Variants in ARHGEF28 observed in about 807,000 individuals in gnomAD.
ARHGEF28 encodes the protein Rho guanine nucleotide exchange factor 28.
In ARHGEF28, 152 loss-of-function variants were observed where a neutral mutation model predicts 206.6. That is an observed-to-expected ratio of 0.74 (90% CI 0.64 to 0.84). ARHGEF28 has a LOEUF of 0.84. Among genes scored for constraint, ARHGEF28 ranks in the 40% least tolerant of loss-of-function variants. The probability of loss-of-function intolerance (pLI) is 0.00; values close to 1 mark genes in which losing one functional copy is unlikely to be tolerated. For synonymous variants in ARHGEF28, 763 were observed against 776.4 expected (o/e 0.98, Z 0.29); for missense variants, 2,028 against 2,073.2 (o/e 0.98, Z 0.42).
intron 9 of ARHGEF28, chr5:73,803,451 G>A (rs941607746): frequency 6.5e-6 from 1 of 154,044 alleles, no homozygotes; most frequent in South Asian, 2.1e-4. Context: ...GCTTAGATTT[G>A]TAGTCCCTAA....
intron 2 of ARHGEF28, among the ~76,000 whole-genome samples, chr5:73,689,302 C>T (rs1389612912): frequency 6.6e-6 from 1 of 151,956 alleles, no homozygotes; most frequent in Non-Finnish European, 1.5e-5. Context: ...TAGTAATATT[C>T]CTGAACTCAG....
intron 9 of ARHGEF28, among the ~76,000 whole-genome samples, chr5:73,819,330 G>A (rs981953090): frequency 1.3e-5 from 2 of 152,164 alleles, no homozygotes; most frequent in Non-Finnish European, 2.9e-5. Flanking sequence ...TCCAAATGAC[G>A]CTGCCAACTT....
At chr5:73,933,285 A>G (rs1463759986) in intron 35 of ARHGEF28, among the ~76,000 whole-genome samples, 1 of 152,140 alleles carries the variant, frequency 6.6e-6, no homozygotes, top group East Asian at 1.9e-4. Context: ...ATGTTATTAG[A>G]TTTTCTAGGC....
intron 16 of ARHGEF28, among the ~76,000 whole-genome samples, chr5:73,864,613 A>T (rs1759593787): frequency 6.6e-6 from 1 of 152,232 alleles, no homozygotes; most frequent in African/African-American, 2.4e-5. Context: ...ATCTCCAAAG[A>T]GATTAAAATA....
At chr5:73,922,312 A>G (rs938730096) in intron 35 of ARHGEF28, among the ~76,000 whole-genome samples, 1 of 152,264 alleles carries the variant, frequency 6.6e-6, no homozygotes, top group Non-Finnish European at 1.5e-5. Flanking sequence ...CAACTGCAAG[A>G]GGCCATATTT....
chr5:73,785,461 A>T (rs1290199883), intron 7 of ARHGEF28, among the ~76,000 whole-genome samples: 2 of 152,162 alleles, frequency 1.3e-5, no homozygotes, highest in African/African-American at 4.8e-5. Context: ...CTGTTAGTCC[A>T]GTAATGCGCA....
chr5:73,664,574 C>T lies in ARHGEF28; in HGVS notation c.-11-20267C>T, dbSNP rs1050225401. Among the ~76,000 whole-genome samples, 4 of 152,120 alleles carry T rather than the reference C, an allele frequency of 2.6e-5. No individual in the cohort carries two copies. The South Asian group carries it at 8.3e-4, about 32-fold the overall frequency. On this transcript the variant is annotated intron_variant, in intron 1 of 35. Coordinates refer to ENST00000513042, the MANE Select transcript of ARHGEF28 (RefSeq NM_001177693.2). ...AAACTAAGAAGCACTCAGAACATTG[C>T]CTAGTATAATAGAGTGCTCAAAAAT... is the stretch of plus-strand genomic sequence containing the variant.
Position 73,840,756 on chromosome 5 carries a change from A to G in ARHGEF28, c.1423A>G (p.Arg475Gly), listed in dbSNP as rs756740207. 5 of 1,606,112 alleles carry G rather than the reference A, an allele frequency of 3.1e-6. No homozygotes were observed. In the Admixed American group the frequency reaches 8.5e-5, roughly 27 times the overall value. The change falls in exon 11 of 36, where the codon AGA (arginine) becomes GGA (glycine). Residue 475 changes from arginine to glycine, a missense_variant. Arg to Gly is a moderately radical substitution (Grantham distance 125, BLOSUM62 -2). Coordinates refer to ENST00000513042, the MANE Select transcript of ARHGEF28 (RefSeq NM_001177693.2). ...AAAGGAACAAAGTCATCTAAAGAAA[A>G]GAAGGTAAGAGTCTATATTGTAGAG... ...FEKEQSHLKK[R>G]SSSLDALDAD...
intron 4 of ARHGEF28, among the ~76,000 whole-genome samples, chr5:73,755,565 C>T (rs1318438384): frequency 6.6e-6 from 1 of 152,106 alleles, no homozygotes; most frequent in East Asian, 1.9e-4. Flanking sequence ...CTAAGGGTCT[C>T]CAAAATGGAA....
At chr5:73,889,868 T>C (rs891428077) in intron 26 of ARHGEF28, among the ~76,000 whole-genome samples, 4 of 152,350 alleles carry the variant, frequency 2.6e-5, no homozygotes, top group Non-Finnish European at 4.4e-5. Context: ...TGTTTTAAAA[T>C]GAGAATATGG....
At chr5:73,806,653 A>G (rs923624632) in intron 9 of ARHGEF28, among the ~76,000 whole-genome samples, 1 of 144,538 alleles carries the variant, frequency 6.9e-6, no homozygotes, top group Non-Finnish European at 1.5e-5. Context: ...TATAGTATAT[A>G]TCGTATACAT....
chr5:73,794,259 C>T (rs754683296), intron 7 of ARHGEF28, 143 bp from the exon 8 acceptor site: 9 of 619,952 alleles, frequency 1.5e-5, no homozygotes, highest in African/African-American at 5.7e-5. Flanking sequence ...CTGTGGAGAG[C>T]TGATTTTTAA....
chr5:73,914,182 T>G (rs979944511), intron 35 of ARHGEF28, among the ~76,000 whole-genome samples: 9 of 152,140 alleles, frequency 5.9e-5, no homozygotes, highest in African/African-American at 1.9e-4. Context: ...TTTCAGGCAC[T>G]GTGCTAAGGT....
intron 1 of ARHGEF28, among the ~76,000 whole-genome samples, chr5:73,649,907 A>G (rs1744691339): frequency 6.6e-6 from 1 of 152,218 alleles, no homozygotes; most frequent in Non-Finnish European, 1.5e-5. Context: ...CAGACCATTA[A>G]GGGGAGACCC....
intron 12 of ARHGEF28, among the ~76,000 whole-genome samples, chr5:73,847,494 C>T (rs759999208): frequency 3.9e-5 from 6 of 152,038 alleles, no homozygotes; most frequent in Admixed American, 2.6e-4. Flanking sequence ...GCAGAGCTGC[C>T]GTAATCTTTT....
chr5:73,745,420 G>C (rs535370441), intron 2 of ARHGEF28, among the ~76,000 whole-genome samples: 1 of 152,110 alleles, frequency 6.6e-6, no homozygotes, highest in African/African-American at 2.4e-5. Flanking sequence ...AGTTTAAGGT[G>C]GCAAAAACAT....
At chr5:73,753,386 C>T (rs942785743) in intron 4 of ARHGEF28, among the ~76,000 whole-genome samples, 184 bp downstream of exon 4, 6 of 152,188 alleles carry the variant, frequency 3.9e-5, no homozygotes, top group East Asian at 3.9e-4. Flanking sequence ...TATGTGACTC[C>T]GTGCCAGGAG....
intron 2 of ARHGEF28, among the ~76,000 whole-genome samples, chr5:73,732,517 C>G (rs966924988): frequency 6.6e-6 from 1 of 152,158 alleles, no homozygotes; most frequent in African/African-American, 2.4e-5. Flanking sequence ...TTTGGCAATT[C>G]TGAATAGAGC....
chr5:73,652,766 G>A (rs553323194), intron 1 of ARHGEF28, among the ~76,000 whole-genome samples: 2 of 152,310 alleles, frequency 1.3e-5, no homozygotes, highest in South Asian at 4.1e-4. Flanking sequence ...TGTATGTCCA[G>A]GAGTGGCCAA....
Sources: gnomAD v4.1 joint callset for allele counts (sites outside exome capture counted in the v4.1 genomes callset) on GRCh38, gnomAD v4.1.1 for gene constraint, MANE v1.5 for transcripts, NCBI Gene and HGNC (gene_info 2026-07-23, HGNC 2026-07-21) for gene names.